PCLO: variants seen among roughly 807,000 people sequenced by gnomAD.
PCLO encodes piccolo presynaptic cytomatrix protein, also known as protein piccolo.
In PCLO, 82 loss-of-function variants were observed where a neutral mutation model predicts 427.5. That is an observed-to-expected ratio of 0.19 (90% CI 0.16 to 0.23). PCLO has a LOEUF of 0.23. PCLO is among the 10% of genes least tolerant of loss of function. PCLO has a pLI of 1.00. For missense variants in PCLO, 6,239 were observed against 6,115.9 expected (o/e 1.02, Z -0.67); for synonymous variants, 2,357 against 2,155.4 (o/e 1.09, Z -2.59).
chr7:82,778,903 T>C (rs1364389867), intron 22 of PCLO, among the ~76,000 whole-genome samples: 1 of 109,560 alleles, frequency 9.1e-6, no homozygotes, highest in Non-Finnish European at 1.8e-5. Flanking sequence ...CTCTATTTTA[T>C]CATTTTTCTT....
intron 10 of PCLO, among the ~76,000 whole-genome samples, chr7:82,851,754 TA>T (rs1393044465): frequency 1.3e-5 from 2 of 152,150 alleles, no homozygotes; most frequent in Non-Finnish European, 2.9e-5. Flanking sequence ...GAGTCTTCTA[TA>T]AAGCGCTAGC....
intron 9 of PCLO, among the ~76,000 whole-genome samples, chr7:82,894,895 A>G (rs1235550431): frequency 2.0e-5 from 3 of 152,102 alleles, no homozygotes; most frequent in African/African-American, 7.2e-5. Context: ...GGCTGAGTGC[A>G]TGTTTGGCAG....
rs747937670 is a variant in PCLO, at chr7:82,951,914, A to G, written c.9039T>C (p.Phe3013=). 1 of 1,613,886 alleles carries G rather than the reference A, an allele frequency of 6.2e-7. No individual in the cohort carries two copies. The highest frequency in any genetic ancestry group is 8.5e-7 in the Non-Finnish European group (1 of 1,179,824). ...CTGTGTCAGTTCCTTCAGAATAATC[A>G]AAAGCATTCTTACTTTTATAGAAAA... is the stretch of plus-strand genomic sequence containing the variant. ...GHFFYKSKNA[F]DYSEGTDTAV... Residue 3013 remains phenylalanine (F), a synonymous_variant, in exon 5 of 25, where the codon TTT becomes TTC. Transcript: ENST00000333891.
At chr7:82,789,322 C>T (rs954357170) in intron 22 of PCLO, among the ~76,000 whole-genome samples, 1 of 152,072 alleles carries the variant, frequency 6.6e-6, no homozygotes, top group Admixed American at 6.6e-5. Flanking sequence ...ATTCTTAAAT[C>T]GAAGAAGCAT....
intron 17 of PCLO, among the ~76,000 whole-genome samples, chr7:82,827,641 CTTATT>C (rs1318557029): frequency 6.6e-6 from 1 of 151,888 alleles, no homozygotes; most frequent in Non-Finnish European, 1.5e-5. Flanking sequence ...CACTAGTTTT[CTTATT>C]TTATTTGTTT....
At chr7:83,083,568 C>A (rs1184669386) in intron 3 of PCLO, among the ~76,000 whole-genome samples, 1 of 151,922 alleles carries the variant, frequency 6.6e-6, no homozygotes, top group Non-Finnish European at 1.5e-5. Flanking sequence ...CTGGGTCCTC[C>A]CTGATGACTC....
chr7:83,127,412 C>G (rs755373722), intron 3 of PCLO, among the ~76,000 whole-genome samples: 1 of 151,898 alleles, frequency 6.6e-6, no homozygotes, highest in Non-Finnish European at 1.5e-5. Flanking sequence ...TAAAAACAAG[C>G]AAAAATCATT....
intron 9 of PCLO, among the ~76,000 whole-genome samples, chr7:82,892,110 C>T (rs1793781927): frequency 1.3e-5 from 2 of 152,162 alleles, no homozygotes; most frequent in South Asian, 4.1e-4. Context: ...AAAGAGCCCG[C>T]ATAGCCAAGT....
At chr7:82,842,931 G>A (rs1378355447) in intron 13 of PCLO, among the ~76,000 whole-genome samples, 1 of 152,048 alleles carries the variant, frequency 6.6e-6, no homozygotes, top group Non-Finnish European at 1.5e-5. Flanking sequence ...GTGGAGAAAG[G>A]GAACCCTTGT....
intron 2 of PCLO, among the ~76,000 whole-genome samples, chr7:83,144,404 A>G (rs1346110495): frequency 1.3e-5 from 2 of 152,144 alleles, no homozygotes; most frequent in African/African-American, 2.4e-5. Flanking sequence ...CTGCACAACG[A>G]GAGTGAAACT....
intron 3 of PCLO, among the ~76,000 whole-genome samples, chr7:83,020,927 T>C (rs1788327117): frequency 6.6e-6 from 1 of 152,176 alleles, no homozygotes; most frequent in South Asian, 2.1e-4. Context: ...ATGCAGATCC[T>C]ACATGATAGT....
chr7:83,131,704 T>C (rs140644181), intron 3 of PCLO, among the ~76,000 whole-genome samples: 21 of 152,192 alleles, frequency 1.4e-4, no homozygotes, highest in African/African-American at 4.1e-4. Flanking sequence ...GAGACTGGCA[T>C]GGAAGTACGG....
chr7:83,063,007 A>G (rs991146536), intron 3 of PCLO, among the ~76,000 whole-genome samples: 1 of 151,986 alleles, frequency 6.6e-6, no homozygotes, highest in Non-Finnish European at 1.5e-5. Flanking sequence ...TATTTTCTTC[A>G]TATTATATTT....
In PCLO at chr7:83,155,013, T is replaced by A; in HGVS notation, c.1628A>T (p.Gln543Leu). Reference sequence around the variant, plus strand: ...AGCCGAGGGCTTTGCTGGGCTAGGCTGTTGAGCTGAGGGTTTTGCTGAGCC... The same window carrying A: ...AGCCGAGGGCTTTGCTGGGCTAGGCAGTTGAGCTGAGGGTTTTGCTGAGCC... The part of the protein sequence containing the change: ...QPGSAKPSAQ[Q>L]PSPAKPSAQQ... Residue 543 changes from glutamine to leucine, a missense_variant, in exon 2 of 25, where the codon CAG (glutamine) becomes CTG (leucine). Coordinates refer to ENST00000333891, the MANE Select transcript of PCLO (RefSeq NM_033026.6). 6.2e-7 allele frequency: 1 copy of A among 1,613,642 alleles called. No individual in the cohort carries two copies. Among genetic ancestry groups the A allele is most frequent in the Non-Finnish European group, 8.5e-7 (1 of 1,179,796 alleles).
intron 3 of PCLO, among the ~76,000 whole-genome samples, chr7:83,093,830 G>T (rs1056666757): frequency 1.5e-5 from 2 of 131,782 alleles, no homozygotes; most frequent in African/African-American, 2.8e-5. Context: ...AAAATCCTAG[G>T]TTGTTTACTG....
rs180786334 is a variant in PCLO, at chr7:83,068,536, A to G, written c.3300+65714T>C. Among the ~76,000 whole-genome samples, 10 of 152,288 alleles carry G rather than the reference A, an allele frequency of 6.6e-5. No homozygotes were observed. The East Asian group carries it at 1.9e-3, about 29-fold the overall frequency. ...CAACAGGTATGTGAAAAGGTTCTCA[A>G]TATCACTAATCATCAGGAAAATGCA... On this transcript the variant is annotated intron_variant, in intron 3 of 24. Coordinates refer to ENST00000333891, the MANE Select transcript of PCLO (RefSeq NM_033026.6).
intron 9 of PCLO, among the ~76,000 whole-genome samples, chr7:82,896,796 A>G: frequency 6.6e-6 from 1 of 151,758 alleles, no homozygotes; most frequent in East Asian, 1.9e-4. Flanking sequence ...TGCAGAAAAG[A>G]AAATGAGCCA....
intron 10 of PCLO, among the ~76,000 whole-genome samples, chr7:82,857,382 G>T (rs879943152): frequency 6.6e-6 from 1 of 151,974 alleles, no homozygotes; most frequent in Non-Finnish European, 1.5e-5. Context: ...TTTAACTTCA[G>T]TTATGTTGAT....
intron 3 of PCLO, among the ~76,000 whole-genome samples, chr7:83,082,031 T>C (rs1469535371): frequency 2.6e-5 from 4 of 151,538 alleles, no homozygotes; most frequent in Non-Finnish European, 5.9e-5. Flanking sequence ...AGACCAAAGA[T>C]ATTAGATGAA....
Sources: gnomAD v4.1 joint callset for allele counts (sites outside exome capture counted in the v4.1 genomes callset) on GRCh38, gnomAD v4.1.1 for gene constraint, MANE v1.5 for transcripts, NCBI Gene and HGNC (gene_info 2026-07-23, HGNC 2026-07-21) for gene names.